MSRA: variants seen among roughly 807,000 people sequenced by gnomAD.
MSRA encodes methionine sulfoxide reductase A, also known as mitochondrial peptide methionine sulfoxide reductase.
A neutral mutation model predicts 31.3 loss-of-function variants in MSRA; 54 were observed. The observed-to-expected ratio is 1.73, with a 90% confidence interval of 1.39 to 2.17. The LOEUF is 2.17. MSRA is among the 30% of genes most tolerant of loss of function. MSRA has a pLI of 0.00. For synonymous variants in MSRA, 169 were observed against 116.5 expected, an observed-to-expected ratio of 1.45 and a Z score of -2.90; for missense variants, 507 against 300.9, an observed-to-expected ratio of 1.69 and a Z score of -5.07.
chr8:10,311,491 C>G (rs1801429447), intron 4 of MSRA, among the ~76,000 whole-genome samples: 2 of 152,130 alleles, frequency 1.3e-5, no homozygotes, highest in African/African-American at 4.8e-5. Flanking sequence ...GCCTTCTTCT[C>G]AATCACACAA....
intron 5 of MSRA, among the ~76,000 whole-genome samples, chr8:10,417,107 A>G (rs1451089422): frequency 6.6e-6 from 1 of 152,190 alleles, no homozygotes; most frequent in East Asian, 1.9e-4. Flanking sequence ...GAGGCCGTGC[A>G]TTTGCATAAG....
intron 3 of MSRA, among the ~76,000 whole-genome samples, chr8:10,247,555 G>T (rs573082260): frequency 1.3e-5 from 2 of 152,318 alleles, no homozygotes; most frequent in South Asian, 4.1e-4. Flanking sequence ...GGCCAAGCCA[G>T]TTCATGCAAA....
At chr8:10,283,205 A>G (rs71509165) in intron 3 of MSRA, among the ~76,000 whole-genome samples, 43,436 of 133,956 alleles carry the variant, frequency 0.32, 6,549 homozygotes, top group East Asian at 0.42. Flanking sequence ...TGCAGAAGTT[A>G]CCATTCCAAT....
chr8:10,080,692 A>ATT (rs11296564), intron 1 of MSRA, among the ~76,000 whole-genome samples: 65 of 136,466 alleles, frequency 4.8e-4, no homozygotes, highest in African/African-American at 1.7e-3. Flanking sequence ...TGCCTGGCTA[A>ATT]TTTTTTTTTT....
At chr8:10,416,789 C>T (rs976988781) in intron 5 of MSRA, among the ~76,000 whole-genome samples, 4 of 152,230 alleles carry the variant, frequency 2.6e-5, no homozygotes, top group Non-Finnish European at 4.4e-5. Context: ...ACTTTGCAGG[C>T]TGTCTGAGGA....
chr8:10,230,399 G>A (rs115422259), intron 2 of MSRA, among the ~76,000 whole-genome samples: 3,907 of 152,278 alleles, frequency 0.026, 170 homozygotes, highest in African/African-American at 0.085. Context: ...TATGCACACA[G>A]TCAGGAGGGT....
At chr8:10,054,777 G>T in intron 1 of MSRA, 119 bp downstream of exon 1, 1 of 1,189,732 alleles carries the variant, frequency 8.4e-7, no homozygotes, top group Non-Finnish European at 1.1e-6. Flanking sequence ...CGGGTCGCGG[G>T]GTGGGGGTCT....
intron 1 of MSRA, among the ~76,000 whole-genome samples, chr8:10,174,740 G>A (rs1805888754): frequency 6.6e-6 from 1 of 152,048 alleles, no homozygotes; most frequent in Admixed American, 6.5e-5. Flanking sequence ...GTCACCTCCG[G>A]CTCAGCGTGC....
intron 2 of MSRA, among the ~76,000 whole-genome samples, chr8:10,220,999 C>T (rs1352596783): frequency 6.6e-6 from 1 of 152,146 alleles, no homozygotes; most frequent in Non-Finnish European, 1.5e-5. Flanking sequence ...ATAACTTGTG[C>T]CTGGCGGGTG....
At chr8:10,341,200 G>T (rs909538228) in intron 5 of MSRA, among the ~76,000 whole-genome samples, 1 of 152,218 alleles carries the variant, frequency 6.6e-6, no homozygotes, top group African/African-American at 2.4e-5. Flanking sequence ...AAAGAAAAGA[G>T]ATTTAATTGG....
At chr8:10,180,369 G>C (rs6993295) in intron 1 of MSRA, among the ~76,000 whole-genome samples, 152,312 of 152,342 alleles carry the variant, frequency 1, 76,141 homozygotes, top group Middle Eastern at 1. Context: ...TCACAGCACC[G>C]TGATGTGTTT....
At chr8:10,147,007 C>G (rs966322635) in intron 1 of MSRA, among the ~76,000 whole-genome samples, 6 of 152,318 alleles carry the variant, frequency 3.9e-5, no homozygotes, top group African/African-American at 1.4e-4. Context: ...CAGCTGGGGC[C>G]TTGTTGGGTT....
At chr8:10,344,853 G>C (rs1195312787) in intron 5 of MSRA, among the ~76,000 whole-genome samples, 1 of 152,150 alleles carries the variant, frequency 6.6e-6, no homozygotes, top group African/African-American at 2.4e-5. Context: ...TAGTGTGTCA[G>C]GTGTCTATCA....
intron 2 of MSRA, among the ~76,000 whole-genome samples, chr8:10,218,966 C>T (rs144784107): frequency 1.8e-4 from 27 of 152,278 alleles, no homozygotes; most frequent in Middle Eastern, 3.4e-3. Flanking sequence ...CACGGAGCAG[C>T]GATCTTCTCT....
At chr8:10,251,279 G>T (rs1387629502) in intron 3 of MSRA, among the ~76,000 whole-genome samples, 1 of 151,898 alleles carries the variant, frequency 6.6e-6, no homozygotes, top group Non-Finnish European at 1.5e-5. Context: ...TATCTTACAT[G>T]AGATGAATGA....
chr8:10,228,176 C>G (rs1255440919), intron 2 of MSRA, among the ~76,000 whole-genome samples: 1 of 152,068 alleles, frequency 6.6e-6, no homozygotes, highest in Non-Finnish European at 1.5e-5. Flanking sequence ...CTGGTCTCTG[C>G]CTATGTTCCA....
intron 2 of MSRA, among the ~76,000 whole-genome samples, chr8:10,240,269 C>T (rs1286561389): frequency 6.6e-6 from 1 of 152,160 alleles, no homozygotes; most frequent in Non-Finnish European, 1.5e-5. Context: ...TGGTGACAGT[C>T]TCTGTTGCTG....
chr8:10,392,890 C>CAAAAAAA (rs869085304), intron 5 of MSRA, among the ~76,000 whole-genome samples: 6 of 113,270 alleles, frequency 5.3e-5, no homozygotes, highest in African/African-American at 7.9e-5. Flanking sequence ...ACTAAAAATG[C>CAAAAAAA]AAAAAAAAAA....
intron 1 of MSRA, among the ~76,000 whole-genome samples, chr8:10,112,632 C>G (rs915435519): frequency 6.6e-6 from 1 of 152,208 alleles, no homozygotes; most frequent in Non-Finnish European, 1.5e-5. Context: ...GTGCTAAGCT[C>G]CCTGTCTTGT....
Sources: gnomAD v4.1 joint callset for allele counts (sites outside exome capture counted in the v4.1 genomes callset) on GRCh38, gnomAD v4.1.1 for gene constraint, MANE v1.5 for transcripts, NCBI Gene and HGNC (gene_info 2026-07-23, HGNC 2026-07-21) for gene names.